ZMAT4: variants seen among roughly 807,000 people sequenced by gnomAD.
The protein encoded by ZMAT4 is zinc finger matrin-type protein 4.
ZMAT4 carries 17 observed loss-of-function variants against 28.7 expected under a neutral mutation model. The observed-to-expected ratio is 0.59, with a 90% CI of 0.41 to 0.89. The LOEUF (loss-of-function observed/expected upper bound fraction) is 0.89. Ranked by LOEUF, ZMAT4 falls within the 40% of genes least tolerant of loss-of-function variation. The pLI is 0.00. For missense variants in ZMAT4, 240 were observed against 283.8 expected, an observed-to-expected ratio of 0.85 and a Z score of 1.11; for synonymous variants, 117 against 109.2, an observed-to-expected ratio of 1.07 and a Z score of -0.44.
intron 3 of ZMAT4, among the ~76,000 whole-genome samples, chr8:40,728,851 G>A (rs576007354): frequency 2.0e-5 from 3 of 152,084 alleles, no homozygotes; most frequent in Admixed American, 1.3e-4. Context: ...TAGTCAACCC[G>A]CCATTCCCCG....
chr8:40,892,091 C>A (rs754257916), intron 1 of ZMAT4, among the ~76,000 whole-genome samples: 2 of 152,212 alleles, frequency 1.3e-5, no homozygotes, highest in Non-Finnish European at 2.9e-5. Context: ...GCCACCACTC[C>A]ACCCTCCCTG....
rs139761248 is a variant in ZMAT4 at position 40,620,756 on chromosome 8, C to T, written c.578-39495G>A. 5.4e-3 allele frequency among the ~76,000 whole-genome samples: 823 copies of T among 152,258 alleles called. 8 individuals carry two copies. Among genetic ancestry groups the T allele is most frequent in the African/African-American group, 0.019 (784 of 41,542 alleles). On this transcript the variant is annotated intron_variant, in intron 5 of 6. Transcript: ENST00000297737. The stretch of plus-strand genomic sequence containing the variant: ...ATGGCCCTGGTAGGTTGTAATTCTG[C>T]AGTTACAGTGCTTAACACAACCTCT...
chr8:40,649,186 C>T (rs982921351), intron 5 of ZMAT4, among the ~76,000 whole-genome samples: 3 of 152,086 alleles, frequency 2.0e-5, no homozygotes, highest in South Asian at 4.1e-4. Flanking sequence ...ACCCAACTCA[C>T]GTGCAGAGAC....
chr8:40,688,927 T>C (rs923231362), intron 4 of ZMAT4, among the ~76,000 whole-genome samples: 1 of 152,174 alleles, frequency 6.6e-6, no homozygotes, highest in African/African-American at 2.4e-5. Flanking sequence ...TTGTGTTGAG[T>C]TGTCTGAGAG....
At chr8:40,611,842 A>C (rs898928917) in intron 5 of ZMAT4, among the ~76,000 whole-genome samples, 3 of 152,246 alleles carry the variant, frequency 2.0e-5, no homozygotes, top group Admixed American at 2.0e-4. Flanking sequence ...ACAGAGGTGA[A>C]AAATAAATTT....
At chr8:40,554,975 A>G (rs1003773107) in intron 6 of ZMAT4, among the ~76,000 whole-genome samples, 10 of 152,026 alleles carry the variant, frequency 6.6e-5, no homozygotes, top group African/African-American at 2.4e-4. Context: ...CTATACCCAC[A>G]CCCACACATC....
chr8:40,597,607 C>T (rs544864672), intron 5 of ZMAT4, among the ~76,000 whole-genome samples: 6 of 152,258 alleles, frequency 3.9e-5, no homozygotes, highest in South Asian at 4.1e-4. Flanking sequence ...TAATATATTA[C>T]ATATTTTACT....
rs541396849 is a variant in ZMAT4 at position 40,784,726 on chromosome 8, A to T, written c.103-16996T>A. 3.3e-5 allele frequency among the ~76,000 whole-genome samples: 5 copies of T among 152,320 alleles called. No homozygotes were observed. In the East Asian group the frequency reaches 9.6e-4, roughly 29 times the overall value. On this transcript the variant is annotated intron_variant, in intron 2 of 6. Transcript: ENST00000297737. ...CACTGCCCCGATCCCCATTCAACGG[A>T]GAATCATTACCCCTGCTCCCGGGGT...
chr8:40,841,354 G>A (rs1053943532), intron 1 of ZMAT4, among the ~76,000 whole-genome samples: 3 of 152,238 alleles, frequency 2.0e-5, no homozygotes, highest in Non-Finnish European at 4.4e-5. Flanking sequence ...TCAGCTGCAC[G>A]ACCAACCAAT....
At chr8:40,651,557 C>T (rs1374247542) in intron 5 of ZMAT4, among the ~76,000 whole-genome samples, 1 of 148,290 alleles carries the variant, frequency 6.7e-6, no homozygotes, top group African/African-American at 2.5e-5. Flanking sequence ...TGCCTTTCTT[C>T]ACAGAATTGG....
chr8:40,751,050 C>G (rs1349891332), intron 3 of ZMAT4, among the ~76,000 whole-genome samples: 4 of 152,172 alleles, frequency 2.6e-5, no homozygotes, highest in Admixed American at 2.6e-4. Context: ...TATGTATGAT[C>G]AATCCTTTCA....
At chr8:40,879,201 C>G (rs1025719436) in intron 1 of ZMAT4, among the ~76,000 whole-genome samples, 3 of 152,166 alleles carry the variant, frequency 2.0e-5, no homozygotes, top group African/African-American at 7.2e-5. Flanking sequence ...ACAGGAGGAT[C>G]ACCTGACCCT....
intron 6 of ZMAT4, among the ~76,000 whole-genome samples, chr8:40,542,548 C>G (rs900173830): frequency 2.6e-5 from 4 of 151,874 alleles, no homozygotes; most frequent in Admixed American, 2.6e-4. Context: ...GCCACCACTC[C>G]CAGCTAAGTG....
intron 1 of ZMAT4, among the ~76,000 whole-genome samples, chr8:40,893,930 T>C (rs1316164165): frequency 6.6e-6 from 1 of 152,210 alleles, no homozygotes; most frequent in Non-Finnish European, 1.5e-5. Context: ...TTTGATTTCC[T>C]TTAAGAATGT....
intron 1 of ZMAT4, among the ~76,000 whole-genome samples, chr8:40,873,734 G>A (rs530787482): frequency 2.0e-5 from 3 of 152,312 alleles, no homozygotes; most frequent in African/African-American, 4.8e-5. Context: ...AGTAGTCCCA[G>A]AGGATCTTAA....
At chr8:40,673,401 G>A (rs747215446) in intron 5 of ZMAT4, among the ~76,000 whole-genome samples, 10 of 152,006 alleles carry the variant, frequency 6.6e-5, no homozygotes, top group Non-Finnish European at 1.3e-4. Context: ...GCCAGATTAC[G>A]GTAATTAGAA....
intron 5 of ZMAT4, among the ~76,000 whole-genome samples, chr8:40,584,062 G>C (rs1282207359): frequency 6.6e-6 from 1 of 152,122 alleles, no homozygotes; most frequent in Admixed American, 6.5e-5. Flanking sequence ...ATCATATTTA[G>C]GAAGAAAATG....
intron 6 of ZMAT4, among the ~76,000 whole-genome samples, chr8:40,554,055 A>G (rs1240524888): frequency 1.3e-5 from 2 of 152,100 alleles, no homozygotes; most frequent in East Asian, 3.9e-4. Context: ...GTCATGTCAT[A>G]TCATATCATA....
At chr8:40,630,484 C>T (rs1222794492) in intron 5 of ZMAT4, among the ~76,000 whole-genome samples, 2 of 152,172 alleles carry the variant, frequency 1.3e-5, no homozygotes, top group Admixed American at 6.5e-5. Context: ...CACAACCAAA[C>T]CGTGGGGAAC....
Sources: allele counts gnomAD v4.1 joint callset (sites outside exome capture counted in the v4.1 genomes callset), GRCh38; gene constraint gnomAD v4.1.1; transcripts MANE v1.5; gene names NCBI Gene and HGNC (gene_info 2026-07-23, HGNC 2026-07-21).